KRT34: variants seen among roughly 807,000 people sequenced by gnomAD.
KRT34 encodes keratin 34, also known as keratin, type I cuticular Ha4.
A neutral mutation model predicts 41.7 loss-of-function variants in KRT34; 31 were observed. That is an observed-to-expected ratio of 0.74 (90% CI 0.56 to 1.00). The LOEUF is 1.00. KRT34 is among the 50% of genes least tolerant of loss of function. The pLI is 0.00. For missense variants in KRT34, 523 were observed against 500.3 expected, an observed-to-expected ratio of 1.05 and a Z score of -0.43; for synonymous variants, 224 against 212.9, an observed-to-expected ratio of 1.05 and a Z score of -0.45.
chr17:41,380,063 A>G (rs2017948129), intron 3 of KRT34, among the ~76,000 whole-genome samples: 1 of 152,108 alleles, frequency 6.6e-6, no homozygotes, highest in African/African-American at 2.4e-5. Context: ...GATCGAAACC[A>G]TCCTAGCCAA....
chr17:41,378,695 T>C (rs1459576635), intron 6 of KRT34, among the ~76,000 whole-genome samples: 1 of 152,232 alleles, frequency 6.6e-6, no homozygotes, highest in African/African-American at 2.4e-5. Flanking sequence ...TCTTGAGGTC[T>C]CCTGGAACTT....
rs61747622 is a variant in KRT34, at chr17:41,382,272, C to T, written c.-26G>A. ...GGTGCTGGAACAGGTAATGGAAAAG[C>T]AGGTAAGCTGCTGGAGGTGGATGTG... is the stretch of plus-strand genomic sequence containing the variant. On this transcript the variant is annotated 5_prime_UTR_variant, in exon 1 of 7. Transcript: ENST00000394001. 7,062 of 1,613,078 alleles carry T rather than the reference C, an allele frequency of 4.4e-3. 15 individuals carry two copies. The highest frequency in any genetic ancestry group is 5.4e-3 in the Non-Finnish European group (6,346 of 1,180,026).
At position 41,379,562 on chromosome 17, in the gene KRT34, A is replaced by T; in HGVS notation, c.750+8T>A. 2 of 1,613,894 alleles carry T rather than the reference A, an allele frequency of 1.2e-6. No homozygotes were observed. The highest frequency in any genetic ancestry group is 3.3e-5 in the Admixed American group (2 of 60,022). On this transcript the variant is annotated splice_region_variant and intron_variant, in intron 4 of 6. Coordinates refer to ENST00000394001, the MANE Select transcript of KRT34 (RefSeq NM_001386014.1). Reference sequence around the variant, plus strand: ...GGGTCCTGAGTGGCCATGTGCTTAGATGCCCACCTGCGTGGCGAACCATTG... The same window carrying T: ...GGGTCCTGAGTGGCCATGTGCTTAGTTGCCCACCTGCGTGGCGAACCATTG...
chr17:41,381,833 T>G, intron 1 of KRT34, 38 bp from the exon 2 acceptor site: 2 of 1,613,874 alleles, frequency 1.2e-6, no homozygotes, highest in Non-Finnish European at 8.5e-7. Flanking sequence ...CACTTGAACT[T>G]GAAAATGTCT....
rs745783353 is a variant in KRT34 at position 41,378,026 on chromosome 17, T to C, written c.*33A>G. 1 of 1,527,738 alleles carries C rather than the reference T, an allele frequency of 6.5e-7. No individual in the cohort carries two copies. The highest frequency in any genetic ancestry group is 9.1e-7 in the Non-Finnish European group (1 of 1,102,252). 94.6% of individuals were successfully genotyped at this position (1,527,738 alleles called of 1,614,324 possible). A position where few individuals can be genotyped will look rare whatever the true frequency, so the allele number is the denominator to read the frequency against. On this transcript the variant is annotated 3_prime_UTR_variant, in exon 7 of 7. Coordinates refer to ENST00000394001, the MANE Select transcript of KRT34 (RefSeq NM_001386014.1). ...CCTTCCTGTGGTTGATCTAAATGGC[T>C]TTGTAGATGTCTTCAAAGAGGATAC...
intron 4 of KRT34, 41 bp from the exon 5 acceptor site, chr17:41,379,519 A>G (rs773892443): frequency 6.6e-5 from 106 of 1,613,984 alleles, no homozygotes; most frequent in Non-Finnish European, 8.7e-5. Flanking sequence ...CCCTGTCTCC[A>G]GGGCCCTGGG....
chr17:41,381,253 C>T (rs956610281), intron 2 of KRT34, 41 bp from the exon 3 acceptor site: 1 of 1,594,484 alleles, frequency 6.3e-7, no homozygotes, highest in African/African-American at 1.3e-5. Flanking sequence ...GGAAAGAAAA[C>T]CACCTTCCCC....
rs753077302 is a variant in KRT34, at chr17:41,379,183, T to G, written c.877-7A>C. ...TGTTTTCCAGAGAGTCTCGCTGTGGTGGGGAAGATCAGGAATGTCAGAGAG... is the reference window on the plus strand; with the variant it reads ...TGTTTTCCAGAGAGTCTCGCTGTGGGGGGGAAGATCAGGAATGTCAGAGAG... On this transcript the variant is annotated splice_region_variant and splice_polypyrimidine_tract_variant and intron_variant, in intron 5 of 6. Coordinates refer to ENST00000394001, the MANE Select transcript of KRT34 (RefSeq NM_001386014.1). 1.2e-6 allele frequency: 2 copies of G among 1,613,918 alleles called. No homozygotes were observed. Among genetic ancestry groups the G allele is most frequent in the South Asian group, 1.1e-5 (1 of 91,078 alleles).
Position 41,381,913 on chromosome 17 carries a change from C to G in KRT34, c.334G>C (p.Glu112Gln). Residue 112 changes from glutamate (E) to glutamine (Q), a missense_variant, in exon 1 of 7, where the codon GAG (glutamate) becomes CAG (glutamine). Glu to Gln is a conservative substitution (Grantham distance 29, BLOSUM62 2). Coordinates refer to ENST00000394001, the MANE Select transcript of KRT34 (RefSeq NM_001386014.1). The stretch of plus-strand genomic sequence containing the variant: ...AACCCCCTCACCTTCTGCTGGAGCT[C>G]CTCAATGGTCTTGAAGTAGGACTGG... Reference protein sequence around the residue: ...SYQSYFKTIEELQQKILCAKA... With the variant: ...SYQSYFKTIEQLQQKILCAKA... The G allele has an allele frequency of 3.7e-6, 6 of 1,614,232 alleles. No homozygotes were observed. The highest frequency in any genetic ancestry group is 4.2e-6 in the Non-Finnish European group (5 of 1,180,012).
rs760815678 is a variant in KRT34 at position 41,378,270 on chromosome 17, T to C, written c.1098-124A>G. 15 of 683,354 alleles carry C rather than the reference T, an allele frequency of 2.2e-5. 1 individual carries two copies. The highest frequency in any genetic ancestry group is 1.0e-4 in the South Asian group (6 of 59,098). 42.3% of individuals were successfully genotyped at this position (683,354 alleles called of 1,614,324 possible). On this transcript the variant is annotated intron_variant, in intron 6 of 6. Transcript: ENST00000394001. ...GAGTTAGTTGGAATCAAGTTCTTTTTGTTTTGTTTTGTTTTGTTTTTGAGA... is the reference window on the plus strand; with the variant it reads ...GAGTTAGTTGGAATCAAGTTCTTTTCGTTTTGTTTTGTTTTGTTTTTGAGA...
intron 6 of KRT34, 146 bp downstream of exon 6, chr17:41,378,810 C>G (rs1567675417): frequency 8.3e-6 from 10 of 1,199,258 alleles, no homozygotes; most frequent in Non-Finnish European, 4.7e-6. Flanking sequence ...CTTTGGCCTC[C>G]CTTTGCTTAG....
At chr17:41,380,446 T>G (rs989969733) in intron 3 of KRT34, among the ~76,000 whole-genome samples, 1 of 152,130 alleles carries the variant, frequency 6.6e-6, no homozygotes, top group East Asian at 1.9e-4. Context: ...TCCCATCACA[T>G]CTTCACTTTC....
At chr17:41,382,424 G>A (rs771209913), upstream of KRT34, 28 of 1,462,214 alleles carry the variant, frequency 1.9e-5, no homozygotes, top group Admixed American at 4.6e-4. Flanking sequence ...ATGCTAGTTA[G>A]ATGCTTCTAA....
chr17:41,378,501 G>C (rs1175688457), intron 6 of KRT34, among the ~76,000 whole-genome samples: 5 of 152,074 alleles, frequency 3.3e-5, no homozygotes, highest in African/African-American at 1.2e-4. Flanking sequence ...ATGTTGGCCA[G>C]GCTGGTCTTG....
In KRT34 at chr17:41,379,110, G is replaced by A. The variant is rs770634433; in HGVS notation, c.943C>T (p.Gln315Ter). 1.2e-6 allele frequency: 2 copies of A among 1,614,248 alleles called. No individual in the cohort carries two copies. Among genetic ancestry groups the A allele is most frequent in the East Asian group, 2.2e-5 (1 of 44,884 alleles). Residue 315 changes from glutamine to a stop codon, truncating the protein, a stop_gained, in exon 6 of 7, where the codon CAG (glutamine) becomes TAG (stop). Transcript: ENST00000394001. LOFTEE classifies it high-confidence loss of function. ...GACTCCACGTTGGTGATCAGGCTCT[G>A]CACCTGGGACAGCTGGGAGCTGTAG... Reference protein sequence around the residue: ...AHYSSQLSQVQSLITNVESQL... With the variant: ...AHYSSQLSQV
At chr17:41,380,597 A>G (rs1190500360) in intron 3 of KRT34, among the ~76,000 whole-genome samples, 2 of 152,054 alleles carry the variant, frequency 1.3e-5, no homozygotes, top group African/African-American at 4.8e-5. Context: ...AGAGTTCCCT[A>G]TCTCCTCTTG....
upstream of KRT34, chr17:41,382,497 G>C (rs73307189): frequency 8.0e-3 from 6,375 of 796,320 alleles, 288 homozygotes; most frequent in African/African-American, 0.096. Context: ...GCTCTTCCTG[G>C]GTGCTAGTGG....
chr17:41,379,026 G>T lies in KRT34; in HGVS notation c.1027C>A (p.Leu343Met). 1.2e-6 allele frequency: 2 copies of T among 1,614,240 alleles called. No homozygotes were observed. The highest frequency in any genetic ancestry group is 1.7e-6 in the Non-Finnish European group (2 of 1,180,046). ...ERQNQEYQVL[L>M]DVRARLECEI... ...CACTCCAGCCGGGCACGCACGTCCAGCAGCACCTGGTACTCCTGGTTCTGC... is the reference window on the plus strand; with the variant it reads ...CACTCCAGCCGGGCACGCACGTCCATCAGCACCTGGTACTCCTGGTTCTGC... Residue 343 changes from leucine to methionine, a missense_variant, in exon 6 of 7, where the codon CTG becomes ATG. Transcript: ENST00000394001.
intron 2 of KRT34, 53 bp from the exon 3 acceptor site, chr17:41,381,265 C>T: frequency 6.3e-7 from 1 of 1,576,970 alleles, no homozygotes; most frequent in Non-Finnish European, 8.7e-7. Context: ...ACCTTCCCCT[C>T]TCATGTGTTG....
Sources: allele counts gnomAD v4.1 joint callset (sites outside exome capture counted in the v4.1 genomes callset), GRCh38; gene constraint gnomAD v4.1.1; transcripts MANE v1.5; gene names NCBI Gene and HGNC (gene_info 2026-07-23, HGNC 2026-07-21).